LAMB3: variants seen among roughly 807,000 people sequenced by gnomAD.
LAMB3 encodes the protein laminin subunit beta-3.
LAMB3 carries 104 observed loss-of-function variants against 140.3 expected under a neutral mutation model. That is an observed-to-expected ratio of 0.74 (90% CI 0.63 to 0.87). The LOEUF (loss-of-function observed/expected upper bound fraction) is 0.87, where lower values mean the gene tolerates loss of function less well. LAMB3 is among the 40% of genes least tolerant of loss of function. The pLI is 0.00. For missense variants in LAMB3, 1,531 were observed against 1,575.2 expected (o/e 0.97, Z 0.47); for synonymous variants, 592 against 602.9 (o/e 0.98, Z 0.26).
intron 11 of LAMB3, 48 bp from the exon 12 acceptor site, chr1:209,627,627 TCACCCC>T: frequency 6.3e-7 from 1 of 1,579,634 alleles, no homozygotes; most frequent in Non-Finnish European, 8.7e-7. Flanking sequence ...CATGAAAAAC[TCACCCC>T]CAGAGGACAC....
intron 3 of LAMB3, among the ~76,000 whole-genome samples, chr1:209,649,000 A>G (rs932829175): frequency 1.3e-5 from 2 of 152,180 alleles, no homozygotes; most frequent in African/African-American, 4.8e-5. Context: ...GCTTCCCCAC[A>G]TCCAAGTGGG....
chr1:209,622,987 G>T lies in LAMB3; in HGVS notation c.2551C>A (p.Gln851Lys). ...CCCGCCTCGGCTGCACTTACCATCT[G>T]CCTGGTCCGCTGGAGCTGGGCATTG... ...GFNAQLQRTR[Q>K]MIRAAEESAS... Residue 851 changes from glutamine (Q) to lysine (K), a missense_variant, in exon 17 of 23, where the codon CAG becomes AAG. Physicochemically the swap from Gln to Lys is moderately conservative, Grantham distance 53. Coordinates refer to ENST00000356082, the MANE Select transcript of LAMB3 (RefSeq NM_000228.3). The T allele has an allele frequency of 6.2e-7, 1 of 1,613,106 alleles. No homozygotes were observed.
At chr1:209,637,744 C>A (rs1666937744) in intron 5 of LAMB3, among the ~76,000 whole-genome samples, 164 bp downstream of exon 5, 3 of 152,114 alleles carry the variant, frequency 2.0e-5, no homozygotes, top group Admixed American at 1.3e-4. Flanking sequence ...CCAGGAGGTG[C>A]CACTTTTAGC....
In LAMB3 at chr1:209,623,135, G is replaced by A. The variant is rs115279528; in HGVS notation, c.2403C>T (p.Cys801=). 230 of 1,614,240 alleles carry A rather than the reference G, an allele frequency of 1.4e-4. No individual in the cohort carries two copies. Among genetic ancestry groups the A allele is most frequent in the Middle Eastern group, 1.2e-3 (7 of 6,060 alleles). ...SRQMACTPIS[C]PGELCPQDNG... ...TGTCTTGGGGACATAGCTCACCAGG[G>A]CATGATATTGGGGTGCAAGCCATCT... Residue 801 remains cysteine (C), a synonymous_variant, in exon 17 of 23, where the codon TGC becomes TGT. Transcript: ENST00000356082. This position sits in a 1 kb window ranked among gnomAD's most constrained non-coding sequence, Gnocchi z 4.2.
chr1:209,650,224 C>T, intron 2 of LAMB3, 106 bp from the exon 3 acceptor site: 1 of 1,155,684 alleles, frequency 8.7e-7, no homozygotes, highest in South Asian at 1.3e-5. Context: ...TATATCCTTT[C>T]CCTCACTCAA....
intron 8 of LAMB3, among the ~76,000 whole-genome samples, chr1:209,631,907 C>G (rs1014794290): frequency 6.6e-6 from 1 of 152,196 alleles, no homozygotes; most frequent in African/African-American, 2.4e-5. Context: ...CCTCCTGTCC[C>G]CCTGTCACTA....
chr1:209,615,562 C>T (rs1441780988), intron 22 of LAMB3, among the ~76,000 whole-genome samples, 155 bp from the exon 23 acceptor site: 1 of 152,190 alleles, frequency 6.6e-6, no homozygotes, highest in Non-Finnish European at 1.5e-5. Context: ...GCCCCTCCAG[C>T]TTCATGCCTC....
intron 3 of LAMB3, among the ~76,000 whole-genome samples, chr1:209,641,721 A>G (rs1287828461): frequency 6.6e-6 from 1 of 152,218 alleles, no homozygotes; most frequent in Non-Finnish European, 1.5e-5. Context: ...GTTACCACAG[A>G]AACTGGAGAC....
Position 209,632,693 on chromosome 1 carries a change from A to T in LAMB3, c.712T>A (p.Tyr238Asn). Residue 238 changes from tyrosine (Y) to asparagine (N), a missense_variant, in exon 8 of 23, where the codon TAC (tyrosine) becomes AAC (asparagine). Coordinates refer to ENST00000356082, the MANE Select transcript of LAMB3 (RefSeq NM_000228.3). ...PQRGYHPPSA[Y>N]YAVSQLRLQG... is the part of the protein sequence containing the mutation. ...AGACGGAGCTGGGACACAGCATAGTAGGCGCTGGGAGGGTGGTAGCCCCTT... is the reference window on the plus strand; with the variant it reads ...AGACGGAGCTGGGACACAGCATAGTTGGCGCTGGGAGGGTGGTAGCCCCTT... The T allele has an allele frequency of 6.2e-7, 1 of 1,614,212 alleles. No individual in the cohort carries two copies. Among genetic ancestry groups the T allele is most frequent in the Non-Finnish European group, 8.5e-7 (1 of 1,180,026 alleles).
intron 18 of LAMB3, 61 bp from the exon 19 acceptor site, chr1:209,618,720 T>C: frequency 6.6e-7 from 1 of 1,517,558 alleles, no homozygotes; most frequent in South Asian, 1.2e-5. Flanking sequence ...ATACGAGGCC[T>C]CTCCTAGCTG....
At chr1:209,622,401 T>C in intron 18 of LAMB3, 135 bp downstream of exon 18, 1 of 1,034,268 alleles carries the variant, frequency 9.7e-7, no homozygotes, top group South Asian at 1.3e-5. Context: ...ATGGCCATGG[T>C]GCCAAGGAGA....
chr1:209,623,997 T>A lies in LAMB3; in HGVS notation c.1980A>T (p.Arg660=), dbSNP rs2102416599. The change falls in exon 15 of 23, where the codon CGA becomes CGT. Residue 660 remains arginine, a synonymous_variant. Coordinates refer to ENST00000356082, the MANE Select transcript of LAMB3 (RefSeq NM_000228.3). The surrounding 1 kb of genome is among the most constrained non-coding windows in gnomAD (Gnocchi z 4.2). The stretch of plus-strand genomic sequence containing the variant: ...GATCCAGCTGCAGGCCCTGGAGAGT[T>A]CGCCTGAGAAGGGAGAGGAGCTTAC... ...QVASAILSLR[R]TLQGLQLDLP... is the part of the protein sequence containing the mutation. 3 of 1,612,926 alleles carry A rather than the reference T, an allele frequency of 1.9e-6. No individual in the cohort carries two copies. Among genetic ancestry groups the A allele is most frequent in the Non-Finnish European group, 2.5e-6 (3 of 1,179,858 alleles).
chr1:209,623,108 A>T lies in LAMB3; in HGVS notation c.2430T>A (p.Asn810Lys). Residue 810 changes from asparagine (N) to lysine (K), a missense_variant, in exon 17 of 23, where the codon AAT (asparagine) becomes AAA (lysine). Transcript: ENST00000356082. This position sits in a 1 kb window ranked among gnomAD's most constrained non-coding sequence, Gnocchi z 4.2. ...SCPGELCPQD[N>K]GTACGSRCRG... ...TGCAGCGGGAGCCACAGGCTGTGCCATTGTCTTGGGGACATAGCTCACCAG... is the reference window on the plus strand; with the variant it reads ...TGCAGCGGGAGCCACAGGCTGTGCCTTTGTCTTGGGGACATAGCTCACCAG... The T allele has an allele frequency of 6.2e-7, 1 of 1,614,170 alleles. No homozygotes were observed. Among genetic ancestry groups the T allele is most frequent in the Non-Finnish European group, 8.5e-7 (1 of 1,180,030 alleles).
At chr1:209,626,746 C>A (rs1367209574) in intron 13 of LAMB3, 121 bp downstream of exon 13, 1 of 769,874 alleles carries the variant, frequency 1.3e-6, no homozygotes, top group Non-Finnish European at 2.2e-6. Flanking sequence ...TGCCCAGGCC[C>A]ACACCACATG....
intron 3 of LAMB3, among the ~76,000 whole-genome samples, chr1:209,647,966 T>C (rs552895889): frequency 6.6e-6 from 1 of 152,282 alleles, no homozygotes; most frequent in East Asian, 1.9e-4. Flanking sequence ...AAAACTGAAA[T>C]TAGAACTCAG....
At chr1:209,621,449 G>A (rs946180098) in intron 18 of LAMB3, among the ~76,000 whole-genome samples, 1 of 152,140 alleles carries the variant, frequency 6.6e-6, no homozygotes. Flanking sequence ...GGCCTATCTG[G>A]GGCAAAAACA....
chr1:209,643,568 G>A (rs1194609924), intron 3 of LAMB3, among the ~76,000 whole-genome samples: 2 of 152,222 alleles, frequency 1.3e-5, no homozygotes, highest in Non-Finnish European at 2.9e-5. Flanking sequence ...GGAGGGCAAA[G>A]GAGCAAGAGG....
chr1:209,632,405 C>A (rs1304673003), intron 8 of LAMB3, among the ~76,000 whole-genome samples, 178 bp downstream of exon 8: 1 of 152,220 alleles, frequency 6.6e-6, no homozygotes, highest in Non-Finnish European at 1.5e-5. Context: ...TAAAGAAGTA[C>A]TAAATGATTC....
Position 209,650,186 on chromosome 1 carries a change from C to G in LAMB3, c.29-68G>C. 7 of 1,494,032 alleles carry G rather than the reference C, an allele frequency of 4.7e-6. No individual in the cohort carries two copies. In the South Asian group the frequency reaches 8.3e-5, roughly 18 times the overall value. 92.5% of individuals were successfully genotyped at this position (1,494,032 alleles called of 1,614,324 possible). On this transcript the variant is annotated intron_variant, in intron 2 of 22. Transcript: ENST00000356082. ...GGGACCTCACTGGCCACCCCAGTATCTTTCAGGGAAGCTGACATTAGCAAG... is the reference window on the plus strand; with the variant it reads ...GGGACCTCACTGGCCACCCCAGTATGTTTCAGGGAAGCTGACATTAGCAAG...
Sources: gnomAD v4.1 joint callset for allele counts (sites outside exome capture counted in the v4.1 genomes callset) on GRCh38, gnomAD v4.1.1 for gene constraint, Gnocchi (gnomAD v3.1) non-coding constraint, MANE v1.5 for transcripts, NCBI Gene and HGNC (gene_info 2026-07-23, HGNC 2026-07-21) for gene names.